The following CSMD1 variants were observed in gnomAD, a reference collection of about 807,000 sequenced individuals.
The protein encoded by CSMD1 is CUB and Sushi multiple domains 1.
Under a neutral mutation model 417.5 loss-of-function variants are expected in CSMD1, and 213 were observed. That is an observed-to-expected ratio of 0.51 (90% CI 0.46 to 0.57). The LOEUF (loss-of-function observed/expected upper bound fraction) is 0.57, where lower values mean the gene tolerates loss of function less well. Among genes scored for constraint, CSMD1 ranks in the 20% least tolerant of loss-of-function variants. The pLI, the probability that CSMD1 is intolerant of heterozygous loss-of-function variation, is 0.00. For missense variants in CSMD1, 6,923 were observed against 4,529.7 expected (o/e 1.53, Z -15.17); for synonymous variants, 2,862 against 1,736.8 (o/e 1.65, Z -16.11).
chr8:3,493,565 A>C, intron 11 of CSMD1, 58 bp downstream of exon 11: 1 of 1,418,396 alleles, frequency 7.1e-7, no homozygotes, highest in Non-Finnish European at 9.7e-7. Flanking sequence ...TCTCATCTCC[A>C]CCCACCGTGC....
At chr8:4,144,262 C>G (rs1393777780) in intron 3 of CSMD1, among the ~76,000 whole-genome samples, 1 of 150,970 alleles carries the variant, frequency 6.6e-6, no homozygotes, top group African/African-American at 2.5e-5. Context: ...GCCTCAAGAC[C>G]TTATTCTGCC....
At chr8:4,036,356 G>A (rs552756184) in intron 3 of CSMD1, among the ~76,000 whole-genome samples, 2 of 152,038 alleles carry the variant, frequency 1.3e-5, no homozygotes, top group Non-Finnish European at 1.5e-5. Flanking sequence ...CTCCAAAATT[G>A]TTACCATGGT....
At chr8:4,081,691 C>T (rs750762888) in intron 3 of CSMD1, among the ~76,000 whole-genome samples, 4 of 152,142 alleles carry the variant, frequency 2.6e-5, no homozygotes, top group African/African-American at 2.4e-5. Flanking sequence ...AAGTCCAAAA[C>T]ATTTAAATTC....
At chr8:4,139,344 A>AT (rs1246075703) in intron 3 of CSMD1, among the ~76,000 whole-genome samples, 1 of 152,156 alleles carries the variant, frequency 6.6e-6, no homozygotes, top group Non-Finnish European at 1.5e-5. Context: ...CGTAATGAAA[A>AT]TTTTTTGACC....
chr8:4,078,313 CTT>C (rs34359373), intron 3 of CSMD1, among the ~76,000 whole-genome samples: 8 of 131,210 alleles, frequency 6.1e-5, no homozygotes, highest in Non-Finnish European at 6.4e-5. Context: ...TGATATCCAA[CTT>C]TTTTTTTTTT....
intron 3 of CSMD1, among the ~76,000 whole-genome samples, chr8:4,393,119 G>A (rs1266973164): frequency 6.6e-6 from 1 of 152,056 alleles, no homozygotes; most frequent in Non-Finnish European, 1.5e-5. Context: ...GGGATTACAG[G>A]CGTGTGCCAC....
intron 3 of CSMD1, among the ~76,000 whole-genome samples, chr8:4,153,670 C>T (rs542905349): frequency 6.6e-6 from 1 of 152,198 alleles, no homozygotes; most frequent in Non-Finnish European, 1.5e-5. Flanking sequence ...CATAACGTCA[C>T]TGCCTGGAAT....
chr8:3,684,566 G>A (rs559747761), intron 7 of CSMD1, among the ~76,000 whole-genome samples: 97 of 144,450 alleles, frequency 6.7e-4, no homozygotes, highest in Middle Eastern at 3.8e-3. Flanking sequence ...TATCATCATT[G>A]TTGAACCCAG....
At chr8:4,490,486 A>T (rs1300375241) in intron 2 of CSMD1, among the ~76,000 whole-genome samples, 1 of 152,186 alleles carries the variant, frequency 6.6e-6, no homozygotes, top group Non-Finnish European at 1.5e-5. Flanking sequence ...TAACAATTTA[A>T]ATTACATATT....
At chr8:4,922,891 A>G (rs572946067) in intron 1 of CSMD1, among the ~76,000 whole-genome samples, 25 of 152,198 alleles carry the variant, frequency 1.6e-4, no homozygotes, top group Non-Finnish European at 3.4e-4. Flanking sequence ...CTAAGCCTCA[A>G]AAGAGTCTCT....
At chr8:4,070,503 G>C (rs553070481) in intron 3 of CSMD1, among the ~76,000 whole-genome samples, 1 of 151,954 alleles carries the variant, frequency 6.6e-6, no homozygotes, top group Non-Finnish European at 1.5e-5. Flanking sequence ...GACTACAGGC[G>C]CCCGCCACCA....
intron 2 of CSMD1, among the ~76,000 whole-genome samples, chr8:4,481,674 T>C (rs147699197): frequency 6.6e-6 from 1 of 152,184 alleles, no homozygotes; most frequent in Non-Finnish European, 1.5e-5. Context: ...ACAGACCTTG[T>C]AAATGCTTCA....
chr8:3,442,021 G>C (rs1285197751), intron 12 of CSMD1, among the ~76,000 whole-genome samples: 2 of 151,446 alleles, frequency 1.3e-5, no homozygotes, highest in Admixed American at 1.3e-4. Context: ...TATGTTTTGT[G>C]TGTTTGTGTA....
In CSMD1 at chr8:3,307,783, G is replaced by C. The variant is rs749684512; in HGVS notation, c.3862C>G (p.Arg1288Gly). The change falls in exon 25 of 70, where the codon CGA (arginine) becomes GGA (glycine). Residue 1288 changes from arginine (R) to glycine (G), a missense_variant. Arg to Gly is a moderately radical substitution (Grantham distance 125). Coordinates refer to ENST00000635120, the MANE Select transcript of CSMD1 (RefSeq NM_033225.6). Reference protein sequence around the residue: ...GGQIHAATSGRILSPGYPAPY... With the variant: ...GGQIHAATSGGILSPGYPAPY... ...GCTGGATAGCCAGGGGACAATATTC[G>C]TCCTGATGTGGCTGCATGGATCTGA... 6.2e-7 allele frequency: 1 copy of C among 1,613,618 alleles called. No homozygotes were observed. Among genetic ancestry groups the C allele is most frequent in the Admixed American group, 1.7e-5 (1 of 60,008 alleles).
chr8:4,291,138 T>C (rs1037373557), intron 3 of CSMD1, among the ~76,000 whole-genome samples: 3 of 152,162 alleles, frequency 2.0e-5, no homozygotes, highest in Non-Finnish European at 4.4e-5. Context: ...ATCTGAGTCT[T>C]AATATGGTTT....
intron 21 of CSMD1, among the ~76,000 whole-genome samples, chr8:3,349,386 C>A (rs1343708863): frequency 6.6e-6 from 1 of 152,092 alleles, no homozygotes; most frequent in Non-Finnish European, 1.5e-5. Flanking sequence ...ATGATTGCCC[C>A]CCAGTGATTT....
At chr8:3,205,037 C>CT (rs751373818) in intron 31 of CSMD1, among the ~76,000 whole-genome samples, 15 of 152,158 alleles carry the variant, frequency 9.9e-5, no homozygotes, top group Non-Finnish European at 1.3e-4. Flanking sequence ...AGTCAAGACT[C>CT]TGCCTGCTTC....
intron 2 of CSMD1, among the ~76,000 whole-genome samples, chr8:4,438,846 A>T (rs1323821909): frequency 6.6e-6 from 1 of 152,216 alleles, no homozygotes; most frequent in Admixed American, 6.5e-5. Context: ...AAGGTGTATT[A>T]TCTGAATCTG....
intron 5 of CSMD1, among the ~76,000 whole-genome samples, chr8:3,844,911 A>G (rs1446875708): frequency 7.4e-6 from 1 of 134,998 alleles, no homozygotes; most frequent in Non-Finnish European, 1.5e-5. Context: ...TTGTCTGTGC[A>G]TTTAAAAACT....
Sources: allele counts gnomAD v4.1 joint callset (sites outside exome capture counted in the v4.1 genomes callset), GRCh38; gene constraint gnomAD v4.1.1; transcripts MANE v1.5; gene names NCBI Gene and HGNC (gene_info 2026-07-23, HGNC 2026-07-21).